Variants in ERCC3 observed in about 807,000 individuals in gnomAD.
ERCC3 encodes general transcription and DNA repair factor IIH helicase/translocase subunit XPB.
ERCC3 carries 66 observed loss-of-function variants against 94.2 expected under a neutral mutation model. That is an observed-to-expected ratio of 0.70 (90% CI 0.57 to 0.86). The LOEUF is 0.86. ERCC3 is among the 40% of genes least tolerant of loss of function. ERCC3 has a pLI of 0.00. For missense variants in ERCC3, 829 were observed against 987.1 expected (o/e 0.84, Z 2.15); for synonymous variants, 349 against 369.1 (o/e 0.95, Z 0.63).
rs1222902018 is a variant in ERCC3 at position 127,264,948 on chromosome 2, A to G, written c.1946-3602T>C. ...CTGCAACCTCCACCTCCAGGGTTTAAGCAATTCTCCTGCCTCAGCCTTCCA... is the reference window on the plus strand; with the variant it reads ...CTGCAACCTCCACCTCCAGGGTTTAGGCAATTCTCCTGCCTCAGCCTTCCA... On this transcript the variant is annotated intron_variant, in intron 12 of 14. Transcript: ENST00000285398. The surrounding 1 kb of genome is among the most constrained non-coding windows in gnomAD (Gnocchi z 4.4). Among the ~76,000 whole-genome samples the G allele has an allele frequency of 3.3e-5, 5 of 151,778 alleles. No individual in the cohort carries two copies. The highest frequency in any genetic ancestry group is 1.2e-4 in the African/African-American group (5 of 41,294).
chr2:127,268,417 C>A (rs1391411511), intron 12 of ERCC3, among the ~76,000 whole-genome samples: 1 of 152,044 alleles, frequency 6.6e-6, no homozygotes, highest in African/African-American at 2.4e-5. Context: ...CACCACCACA[C>A]CCAGCTAGCT....
At position 127,286,746 on chromosome 2, in the gene ERCC3, C is replaced by T. The variant is rs1685080343; in HGVS notation, c.1299G>A (p.Gln433=). 6.2e-7 allele frequency: 1 copy of T among 1,614,126 alleles called. No individual in the cohort carries two copies. The highest frequency in any genetic ancestry group is 2.2e-5 in the East Asian group (1 of 44,874). The change falls in exon 8 of 15, where the codon CAG becomes CAA. Residue 433 remains glutamine, a synonymous_variant. Transcript: ENST00000285398. The part of the protein sequence containing the change: ...AERVMEWLKT[Q]EWGLMILDEV... ...CATCCAGGATCATGAGGCCCCACTC[C>T]TGGGTCTTGAGCCACTCCATGACTC... is the stretch of plus-strand genomic sequence containing the variant.
chr2:127,288,493 T>C (rs983775512), intron 7 of ERCC3, among the ~76,000 whole-genome samples, 167 bp downstream of exon 7: 1 of 152,188 alleles, frequency 6.6e-6, no homozygotes, highest in Admixed American at 6.5e-5. Flanking sequence ...CCAGGGCCCA[T>C]ACACAGCAAG....
In ERCC3 at chr2:127,261,286, T is replaced by G; in HGVS notation, c.2006A>C (p.Glu669Ala). 2.5e-6 allele frequency: 4 copies of G among 1,613,890 alleles called. No homozygotes were observed. Among genetic ancestry groups the G allele is most frequent in the Non-Finnish European group, 3.4e-6 (4 of 1,179,706 alleles). Residue 669 changes from glutamate to alanine, a missense_variant, in exon 13 of 15, where the codon GAA (glutamate) becomes GCA (alanine). Physicochemically the swap from Glu to Ala is moderately radical, Grantham distance 107. Transcript: ENST00000285398. ...FYSLVSQDTQ[E>A]MAYSTKRQRF... is the part of the protein sequence containing the mutation. Reference sequence around the variant, plus strand: ...CTGCCGCTTGGTTGAGTAAGCCATTTCCTGTGTGTCCTGGGATACCAGTGA... The same window carrying G: ...CTGCCGCTTGGTTGAGTAAGCCATTGCCTGTGTGTCCTGGGATACCAGTGA...
intron 10 of ERCC3, among the ~76,000 whole-genome samples, chr2:127,276,808 A>G (rs1684747600): frequency 6.6e-6 from 1 of 152,208 alleles, no homozygotes; most frequent in Non-Finnish European, 1.5e-5. Flanking sequence ...ATTTCCAAAA[A>G]GAGAGAAGAT....
intron 8 of ERCC3, among the ~76,000 whole-genome samples, chr2:127,285,403 T>C (rs557394265): frequency 1.3e-5 from 2 of 152,142 alleles, no homozygotes; most frequent in African/African-American, 2.4e-5. Context: ...CTACTAAAAA[T>C]ACAAAAATTT....
At chr2:127,267,903 CTTTT>C (rs992145286) in intron 12 of ERCC3, among the ~76,000 whole-genome samples, 8 of 151,924 alleles carry the variant, frequency 5.3e-5, no homozygotes, top group Non-Finnish European at 1.0e-4. Context: ...TAGGATTTTT[CTTTT>C]TTATTTTTTT....
chr2:127,272,540 T>C (rs1236479224), intron 11 of ERCC3, among the ~76,000 whole-genome samples: 6 of 152,182 alleles, frequency 3.9e-5, no homozygotes, highest in Admixed American at 2.6e-4. Flanking sequence ...GAGAACTTCA[T>C]CTAAATGCCT....
chr2:127,288,958 T>C (rs1467981380), intron 6 of ERCC3, 94 bp from the exon 7 acceptor site: 5 of 1,074,742 alleles, frequency 4.7e-6, no homozygotes, highest in Non-Finnish European at 7.2e-6. Context: ...AAAAGTGGCA[T>C]TCTATCTAAA....
intron 8 of ERCC3, among the ~76,000 whole-genome samples, chr2:127,285,750 C>T (rs1320691561): frequency 1.3e-5 from 2 of 151,790 alleles, no homozygotes; most frequent in Non-Finnish European, 2.9e-5. Flanking sequence ...ACTTGGGAGG[C>T]TGAGGCAGGG....
At position 127,271,302 on chromosome 2, in the gene ERCC3, ACCT is replaced by A. The variant is rs750883881; in HGVS notation, c.1945+31_1945+33del. 3 of 1,414,966 alleles carry A rather than the reference ACCT, an allele frequency of 2.1e-6. No homozygotes were observed. Among genetic ancestry groups the A allele is most frequent in the East Asian group, 4.6e-5 (2 of 43,930 alleles). 87.7% of individuals were successfully genotyped at this position (1,414,966 alleles called of 1,614,324 possible). A position where few individuals can be genotyped will look rare whatever the true frequency, so the allele number is the denominator to read the frequency against. ...TAACTAAAGTGGTTTAAGAGGAGTG[ACCT>A]CCTGCAACAGAAGATGAAAGGCCAC... On this transcript the variant is annotated intron_variant, in intron 12 of 14. Transcript: ENST00000285398. This position sits in a 1 kb window ranked among gnomAD's most constrained non-coding sequence, Gnocchi z 5.0.
chr2:127,293,779 C>G, intron 1 of ERCC3, 61 bp from the exon 2 acceptor site: 5 of 1,603,050 alleles, frequency 3.1e-6, no homozygotes, highest in Non-Finnish European at 4.2e-6. Context: ...CTCCGCACCG[C>G]TTGGCAGCAT....
At chr2:127,273,749 CA>C (rs398039596) in intron 10 of ERCC3, among the ~76,000 whole-genome samples, 1,090 of 40,078 alleles carry the variant, frequency 0.027, 7 homozygotes, top group African/African-American at 0.089. Flanking sequence ...AACTCTGTCT[CA>C]AAAAAAAAAA....
chr2:127,281,003 G>A lies in ERCC3; in HGVS notation c.1343-372C>T, dbSNP rs908500981. 3 of 445,312 alleles carry A rather than the reference G, an allele frequency of 6.7e-6. No individual in the cohort carries two copies. In the Admixed American group the frequency reaches 1.1e-4, roughly 17 times the overall value. The allele number at this position is 445,312 out of a possible 1,614,324, so 27.6% of individuals were successfully genotyped here. On this transcript the variant is annotated intron_variant, in intron 8 of 14. Transcript: ENST00000285398. ...CAAAAGAAAATGAAAAGGAGAACAA[G>A]AGGGTGAAATGAGCTTAAGGAATCT...
intron 10 of ERCC3, among the ~76,000 whole-genome samples, chr2:127,273,823 T>C (rs1233667516): frequency 6.7e-6 from 1 of 148,764 alleles, no homozygotes; most frequent in East Asian, 2.0e-4. Flanking sequence ...ATGAACTCAA[T>C]GGTTATCATC....
Position 127,291,349 on chromosome 2 carries a change from G to A in ERCC3, c.472-1076C>T, listed in dbSNP as rs983247340. On this transcript the variant is annotated intron_variant, in intron 3 of 14. Transcript: ENST00000285398. This position sits in a 1 kb window ranked among gnomAD's most constrained non-coding sequence, Gnocchi z 4.9. ...ATCTCAGCTCACTTCAACCTCTGCCGCCCGGGTTCAAGTGATTGTCCTGCC... is the reference window on the plus strand; with the variant it reads ...ATCTCAGCTCACTTCAACCTCTGCCACCCGGGTTCAAGTGATTGTCCTGCC... 1.3e-4 allele frequency among the ~76,000 whole-genome samples: 20 copies of A among 151,998 alleles called. No individual in the cohort carries two copies. The highest frequency in any genetic ancestry group is 3.3e-4 in the Admixed American group (5 of 15,246).
rs1320534922 is a variant in ERCC3, at chr2:127,284,686, TA to T, written c.1342+2016del. Among the ~76,000 whole-genome samples the T allele has an allele frequency of 6.7e-6, 1 of 148,972 alleles. No homozygotes were observed. Among genetic ancestry groups the T allele is most frequent in the Non-Finnish European group, 1.5e-5 (1 of 67,732 alleles). On this transcript the variant is annotated intron_variant, in intron 8 of 14. Coordinates refer to ENST00000285398, the MANE Select transcript of ERCC3 (RefSeq NM_000122.2). This position sits in a 1 kb window ranked among gnomAD's most constrained non-coding sequence, Gnocchi z 4.1. Reference sequence around the variant, plus strand: ...TAATTTACCCTAATCTGTTCATCTTTATTTTTTTTTTTTGAGACAGAGTCTC... The same window carrying T: ...TAATTTACCCTAATCTGTTCATCTTTTTTTTTTTTTTTGAGACAGAGTCTC...
At chr2:127,281,461 A>G (rs923257957) in intron 8 of ERCC3, among the ~76,000 whole-genome samples, 1 of 152,244 alleles carries the variant, frequency 6.6e-6, no homozygotes, top group African/African-American at 2.4e-5. Context: ...CATAAAGGGT[A>G]TGAGTTATTC....
rs1243592310 is a variant in ERCC3 at position 127,264,758 on chromosome 2, G to A, written c.1946-3412C>T. Among the ~76,000 whole-genome samples, 5 of 152,048 alleles carry A rather than the reference G, an allele frequency of 3.3e-5. No homozygotes were observed. The highest frequency in any genetic ancestry group is 3.3e-4 in the Admixed American group (5 of 15,270). On this transcript the variant is annotated intron_variant, in intron 12 of 14. Coordinates refer to ENST00000285398, the MANE Select transcript of ERCC3 (RefSeq NM_000122.2). The surrounding 1 kb of genome is among the most constrained non-coding windows in gnomAD (Gnocchi z 4.4). Reference sequence around the variant, plus strand: ...CAGGATGATAGTGGTTTCGTAGTATGAGTTAGGAAGAAGTCTCTCCTCCTC... The same window carrying A: ...CAGGATGATAGTGGTTTCGTAGTATAAGTTAGGAAGAAGTCTCTCCTCCTC...
Sources: allele counts gnomAD v4.1 joint callset (sites outside exome capture counted in the v4.1 genomes callset), GRCh38; gene constraint gnomAD v4.1.1; non-coding constraint Gnocchi (gnomAD v3.1); transcripts MANE v1.5; gene names NCBI Gene and HGNC (gene_info 2026-07-23, HGNC 2026-07-21).